Variants in PPP2R2C observed in about 807,000 individuals in gnomAD.
The protein encoded by PPP2R2C is protein phosphatase 2, regulatory subunit B, gamma.
Under a neutral mutation model 45.3 loss-of-function variants are expected in PPP2R2C, and 10 were observed. The observed-to-expected ratio is 0.22, with a 90% CI of 0.14 to 0.37. PPP2R2C has a LOEUF of 0.37. Ranked by LOEUF, PPP2R2C falls within the 10% of genes least tolerant of loss-of-function variation. PPP2R2C has a pLI of 1.00. For synonymous variants in PPP2R2C, 257 were observed against 245.4 expected (o/e 1.05, Z -0.44); for missense variants, 308 against 619.7 (o/e 0.50, Z 5.34).
At position 6,563,097 on chromosome 4, in the gene PPP2R2C, T is replaced by C. The variant is rs147043227; in HGVS notation, c.-59+463A>G. On this transcript the variant is annotated intron_variant, in intron 1 of 9. Coordinates refer to the PPP2R2C transcript ENST00000506140. This position sits in a 1 kb window ranked among gnomAD's most constrained non-coding sequence, Gnocchi z 5.8. The stretch of plus-strand genomic sequence containing the variant: ...GCGGCCGGGACTGAACTCCGCCGCA[T>C]TGGGTCTTACCCCGGACTCCGAGCC... Among the ~76,000 whole-genome samples the C allele has an allele frequency of 0.017, 2,528 of 152,192 alleles. 34 individuals carry two copies. Among genetic ancestry groups the C allele is most frequent in the Middle Eastern group, 0.045 (13 of 292 alleles).
At chr4:6,499,602 T>G (rs1044895849) in intron 2 of PPP2R2C, among the ~76,000 whole-genome samples, 5 of 152,198 alleles carry the variant, frequency 3.3e-5, no homozygotes, top group Non-Finnish European at 7.3e-5. Context: ...AGGGCTCAGT[T>G]CTGCCTAATG....
chr4:6,430,999 G>C (rs560215975), intron 1 of PPP2R2C, among the ~76,000 whole-genome samples: 1 of 152,270 alleles, frequency 6.6e-6, no homozygotes, highest in Non-Finnish European at 1.5e-5. Flanking sequence ...GTTTATCAGT[G>C]GCTTCCATAG....
Position 6,471,670 on chromosome 4 carries a change from A to C in PPP2R2C, c.70+490T>G. 1 of 152,606 alleles carries C rather than the reference A, an allele frequency of 6.6e-6. No individual in the cohort carries two copies. Among genetic ancestry groups the C allele is most frequent in the Non-Finnish European group, 1.5e-5 (1 of 68,592 alleles). 9.5% of individuals were successfully genotyped at this position (152,606 alleles called of 1,614,324 possible). A position where few individuals can be genotyped will look rare whatever the true frequency, so the allele number is the denominator to read the frequency against. On this transcript the variant is annotated intron_variant, in intron 1 of 8. Transcript: ENST00000382599. This position sits in a 1 kb window ranked among gnomAD's most constrained non-coding sequence, Gnocchi z 5.6. ...CCGGGCAGGCGGGCCTCCCAGGAGGATCTGGCAATGGATTATGTTTTTTTC... is the reference window on the plus strand; with the variant it reads ...CCGGGCAGGCGGGCCTCCCAGGAGGCTCTGGCAATGGATTATGTTTTTTTC...
At chr4:6,442,373 T>C (rs935154253) in intron 1 of PPP2R2C, among the ~76,000 whole-genome samples, 3 of 152,172 alleles carry the variant, frequency 2.0e-5, no homozygotes, top group Non-Finnish European at 4.4e-5. Context: ...TTAGGAACAA[T>C]GTACTTGGAC....
intron 1 of PPP2R2C, among the ~76,000 whole-genome samples, chr4:6,442,512 G>GC (rs898692542): frequency 6.6e-6 from 1 of 152,192 alleles, no homozygotes; most frequent in African/African-American, 2.4e-5. Flanking sequence ...ATGGTTTCAG[G>GC]CCCCATTTCC....
At chr4:6,524,997 G>A (rs959167047) in intron 2 of PPP2R2C, among the ~76,000 whole-genome samples, 5 of 152,022 alleles carry the variant, frequency 3.3e-5, no homozygotes, top group Non-Finnish European at 5.9e-5. Flanking sequence ...GAGGCAGAAG[G>A]ATCACTTGAG....
intron 2 of PPP2R2C, chr4:6,535,216 C>T: frequency 6.6e-7 from 1 of 1,521,122 alleles, no homozygotes. Context: ...GACCCACAGC[C>T]CACGTCCCCA....
At chr4:6,437,998 T>A (rs919198744) in intron 1 of PPP2R2C, among the ~76,000 whole-genome samples, 9 of 152,252 alleles carry the variant, frequency 5.9e-5, no homozygotes, top group Non-Finnish European at 1.3e-4. Flanking sequence ...GCTGGCTTAC[T>A]TTCAGTTTTA....
At chr4:6,334,083 G>T (rs1732639971) in intron 6 of PPP2R2C, among the ~76,000 whole-genome samples, 1 of 152,212 alleles carries the variant, frequency 6.6e-6, no homozygotes, top group African/African-American at 2.4e-5. Context: ...CTGAATGCCA[G>T]ATTGCAAAGG....
intron 1 of PPP2R2C, among the ~76,000 whole-genome samples, chr4:6,434,571 C>G (rs1304573192): frequency 2.6e-5 from 4 of 151,982 alleles, no homozygotes; most frequent in Non-Finnish European, 4.4e-5. Context: ...GCTGGCCAGT[C>G]TGGTGTCAAA....
Position 6,449,671 on chromosome 4 carries a change from G to A in PPP2R2C, c.70+22489C>T, listed in dbSNP as rs139702268. ...AAATCTCTAAGTCCCCAAGCACCAG[G>A]TCCCCCAGGCAGTCCACGGGCCCCT... On this transcript the variant is annotated intron_variant, in intron 1 of 8. Coordinates refer to ENST00000382599, the MANE Select transcript of PPP2R2C (RefSeq NM_020416.4). 4.7e-3 allele frequency among the ~76,000 whole-genome samples: 711 copies of A among 152,294 alleles called. 8 individuals are homozygous for A. The highest frequency in any genetic ancestry group is 0.016 in the African/African-American group (670 of 41,566).
intron 2 of PPP2R2C, among the ~76,000 whole-genome samples, chr4:6,481,074 T>A (rs1208729045): frequency 6.6e-6 from 1 of 152,374 alleles, no homozygotes; most frequent in East Asian, 1.9e-4. Context: ...TGCAAACCTA[T>A]CCTCTGTCTG....
At chr4:6,516,557 T>G (rs1304709161) in intron 2 of PPP2R2C, among the ~76,000 whole-genome samples, 1 of 152,182 alleles carries the variant, frequency 6.6e-6, no homozygotes, top group Non-Finnish European at 1.5e-5. Context: ...TGGGCAGTAC[T>G]GCCGGGCCCA....
chr4:6,354,559 C>A, intron 5 of PPP2R2C, among the ~76,000 whole-genome samples: 1 of 152,058 alleles, frequency 6.6e-6, no homozygotes, highest in East Asian at 1.9e-4. Context: ...ATGACTGATC[C>A]GTGGGCAAAT....
In PPP2R2C at chr4:6,349,839, C is replaced by T. The variant is rs558001578; in HGVS notation, c.626-1829G>A. The T allele has an allele frequency of 4.9e-4, 472 of 956,846 alleles. 2 individuals are homozygous for T. The highest frequency in any genetic ancestry group is 4.2e-3 in the South Asian group (86 of 20,682). The allele number at this position is 956,846 out of a possible 1,614,324, so 59.3% of individuals were successfully genotyped here. On this transcript the variant is annotated intron_variant, in intron 5 of 8. Transcript: ENST00000382599. Reference sequence around the variant, plus strand: ...CTGGGAGGTGGATGTTGCAGTTAGCCGAGATCGCACCATTATATTCCAGCC... The same window carrying T: ...CTGGGAGGTGGATGTTGCAGTTAGCTGAGATCGCACCATTATATTCCAGCC...
intron 1 of PPP2R2C, chr4:6,414,045 C>T: frequency 6.7e-7 from 1 of 1,489,938 alleles, no homozygotes. Context: ...GAGAATTATG[C>T]ATGGGACAGT....
Position 6,333,628 on chromosome 4 carries a change from G to A in PPP2R2C, c.894C>T (p.Thr298=). ...AGACCTTGACTGTAAGGTAGTCCCG[G>A]GTGAGCATGTAGCGGCCGCTGTGGC... ...KFSHSGRYML[T]RDYLTVKVWD... The change falls in exon 7 of 9, where the codon ACC becomes ACT. Residue 298 remains threonine, a synonymous_variant. Transcript: ENST00000382599. 1 of 1,614,168 alleles carries A rather than the reference G, an allele frequency of 6.2e-7. No individual in the cohort carries two copies.
intron 2 of PPP2R2C, among the ~76,000 whole-genome samples, chr4:6,517,738 G>A (rs1262576843): frequency 6.6e-6 from 1 of 152,126 alleles, no homozygotes; most frequent in Non-Finnish European, 1.5e-5. Flanking sequence ...GCTGAGCCTG[G>A]AGGCCCACCT....
chr4:6,531,626 G>A (rs187390869), intron 2 of PPP2R2C, among the ~76,000 whole-genome samples: 33 of 150,038 alleles, frequency 2.2e-4, no homozygotes, highest in Non-Finnish European at 4.4e-4. Flanking sequence ...AACTTTCACC[G>A]AAAGATCCTG....
Sources: gnomAD v4.1 joint callset for allele counts (sites outside exome capture counted in the v4.1 genomes callset) on GRCh38, gnomAD v4.1.1 for gene constraint, Gnocchi (gnomAD v3.1) non-coding constraint, MANE v1.5 for transcripts, NCBI Gene and HGNC (gene_info 2026-07-23, HGNC 2026-07-21) for gene names.